LYPD6: variants seen among roughly 807,000 people sequenced by gnomAD.
LYPD6 encodes the protein LY6/PLAUR domain containing 6.
Under a neutral mutation model 22.7 loss-of-function variants are expected in LYPD6, and 15 were observed. That is an observed-to-expected ratio of 0.66 (90% CI 0.44 to 1.02). The LOEUF is 1.02. Ranked by LOEUF, LYPD6 falls within the 50% of genes least tolerant of loss-of-function variation. The pLI is 0.00. For missense variants in LYPD6, 189 were observed against 208.4 expected (o/e 0.91, Z 0.57); for synonymous variants, 72 against 77.5 (o/e 0.93, Z 0.37).
intron 3 of LYPD6, among the ~76,000 whole-genome samples, chr2:149,467,109 A>G (rs1681218134): frequency 6.6e-6 from 1 of 152,338 alleles, no homozygotes; most frequent in Middle Eastern, 3.4e-3. Context: ...CTCCAATGTT[A>G]AGATAGTTTA....
intron 1 of LYPD6, among the ~76,000 whole-genome samples, chr2:149,377,048 C>T (rs1288812424): frequency 6.6e-6 from 1 of 152,224 alleles, no homozygotes; most frequent in African/African-American, 2.4e-5. Flanking sequence ...TGAGCCATCT[C>T]ACTATAGGGC....
chr2:149,483,331 A>T, the LYPD6 span, among the ~76,000 whole-genome samples: 1 of 152,224 alleles, frequency 6.6e-6, no homozygotes, highest in African/African-American at 2.4e-5. Flanking sequence ...ATGCTGAAAA[A>T]TGCATTTTCT....
chr2:149,413,858 T>A (rs556210339), intron 1 of LYPD6, among the ~76,000 whole-genome samples: 3 of 152,342 alleles, frequency 2.0e-5, no homozygotes, highest in Non-Finnish European at 4.4e-5. Flanking sequence ...TTACCAAGTC[T>A]ACTCTAATTC....
intron 1 of LYPD6, among the ~76,000 whole-genome samples, chr2:149,403,817 T>C (rs1357482485): frequency 3.3e-5 from 5 of 152,172 alleles, no homozygotes; most frequent in Non-Finnish European, 7.3e-5. Context: ...CCTGCCTATG[T>C]CCTGAATGGT....
At chr2:149,427,538 G>T (rs1422060450) in intron 1 of LYPD6, among the ~76,000 whole-genome samples, 1 of 152,158 alleles carries the variant, frequency 6.6e-6, no homozygotes, top group Admixed American at 6.5e-5. Context: ...CCTTCAGATT[G>T]ATGGAGAAAG....
At chr2:149,457,543 G>A (rs1407446296) in intron 3 of LYPD6, among the ~76,000 whole-genome samples, 8 of 152,252 alleles carry the variant, frequency 5.3e-5, no homozygotes, top group Admixed American at 2.0e-4. Flanking sequence ...TTCCCTGCCC[G>A]AAGTATATTT....
chr2:149,378,907 A>G (rs1681997005), intron 1 of LYPD6, among the ~76,000 whole-genome samples: 1 of 152,210 alleles, frequency 6.6e-6, no homozygotes, highest in Non-Finnish European at 1.5e-5. Flanking sequence ...AAGGTCCTTG[A>G]CCGGAATATA....
intron 1 of LYPD6, among the ~76,000 whole-genome samples, chr2:149,351,392 TAA>T (rs71397025): frequency 2.5e-4 from 21 of 83,108 alleles, no homozygotes; most frequent in Middle Eastern, 7.4e-3. Flanking sequence ...AGACTCCATC[TAA>T]AAAAAAAAAA....
intron 1 of LYPD6, among the ~76,000 whole-genome samples, chr2:149,361,994 A>G (rs187511905): frequency 1.3e-5 from 2 of 152,304 alleles, no homozygotes; most frequent in Non-Finnish European, 2.9e-5. Context: ...GGAAGGCACC[A>G]TGAGCCAAGG....
At chr2:149,379,165 A>G (rs1490495633) in intron 1 of LYPD6, among the ~76,000 whole-genome samples, 1 of 152,130 alleles carries the variant, frequency 6.6e-6, no homozygotes, top group African/African-American at 2.4e-5. Flanking sequence ...AGCCCCCTCA[A>G]CTAGAGGCTA....
chr2:149,471,012 C>T lies in LYPD6; in HGVS notation c.*162C>T. On this transcript the variant is annotated 3_prime_UTR_variant, in exon 5 of 5. Transcript: ENST00000334166. ...CACTTACCATGAGGAATAAATGTTGCTTCATTGTAGCCATTTTGAGTCTAA... is the reference window on the plus strand; with the variant it reads ...CACTTACCATGAGGAATAAATGTTGTTTCATTGTAGCCATTTTGAGTCTAA... 3.3e-6 allele frequency: 2 copies of T among 609,846 alleles called. No homozygotes were observed. The highest frequency in any genetic ancestry group is 5.5e-6 in the Non-Finnish European group (2 of 361,858). 37.8% of individuals were successfully genotyped at this position (609,846 alleles called of 1,614,324 possible).
At chr2:149,419,068 G>A (rs1683024568) in intron 1 of LYPD6, among the ~76,000 whole-genome samples, 1 of 152,178 alleles carries the variant, frequency 6.6e-6, no homozygotes, top group Non-Finnish European at 1.5e-5. Context: ...CTACCTCAGA[G>A]GGTAATTGAC....
intron 1 of LYPD6, among the ~76,000 whole-genome samples, chr2:149,419,829 G>GGTGTGT (rs61066659): frequency 6.7e-6 from 1 of 149,822 alleles, no homozygotes; most frequent in Admixed American, 6.7e-5. Context: ...ATGTGCTCAG[G>GGTGTGT]GTGTGTGTGT....
At chr2:149,455,817 G>T (rs944277993) in intron 3 of LYPD6, among the ~76,000 whole-genome samples, 4 of 152,128 alleles carry the variant, frequency 2.6e-5, no homozygotes, top group Non-Finnish European at 5.9e-5. Flanking sequence ...TTGGTAATAA[G>T]TACATTGCCT....
chr2:149,389,148 A>G (rs1353235705), intron 1 of LYPD6, among the ~76,000 whole-genome samples: 1 of 152,172 alleles, frequency 6.6e-6, no homozygotes, highest in East Asian at 1.9e-4. Context: ...ATGAAATTGT[A>G]TTCCCTTTGT....
intron 1 of LYPD6, among the ~76,000 whole-genome samples, chr2:149,387,419 C>T (rs534099164): frequency 1.3e-5 from 2 of 152,334 alleles, no homozygotes; most frequent in African/African-American, 2.4e-5. Context: ...TCTTTCTCAT[C>T]TTGCCCTTTT....
chr2:149,463,874 G>A (rs1279670683), intron 3 of LYPD6, among the ~76,000 whole-genome samples: 6 of 152,144 alleles, frequency 3.9e-5, no homozygotes, highest in South Asian at 2.1e-4. Context: ...GGGAAGGGGT[G>A]GGGGCAGGAG....
At chr2:149,347,129 G>A (rs1335773132) in intron 1 of LYPD6, among the ~76,000 whole-genome samples, 1 of 152,090 alleles carries the variant, frequency 6.6e-6, no homozygotes, top group African/African-American at 2.4e-5. Context: ...TGGGGTTGGA[G>A]GGGAAGGTGA....
intron 1 of LYPD6, among the ~76,000 whole-genome samples, chr2:149,355,049 T>C: frequency 6.6e-6 from 1 of 152,220 alleles, no homozygotes; most frequent in East Asian, 1.9e-4. Context: ...TAATTAAAAG[T>C]TGTTTAATTA....
Sources: allele counts gnomAD v4.1 joint callset (sites outside exome capture counted in the v4.1 genomes callset), GRCh38; gene constraint gnomAD v4.1.1; transcripts MANE v1.5; gene names NCBI Gene and HGNC (gene_info 2026-07-23, HGNC 2026-07-21).